The following PARVA variants were observed in gnomAD, a reference collection of about 807,000 sequenced individuals.
PARVA encodes alpha-parvin.
Under a neutral mutation model 52.6 loss-of-function variants are expected in PARVA, and 25 were observed. The ratio of observed to expected loss-of-function variants is 0.48; its 90% CI spans 0.35 to 0.66. The LOEUF is 0.66. PARVA is among the 30% of genes least tolerant of loss of function. The pLI is 0.01. For missense variants in PARVA, 373 were observed against 450.9 expected (o/e 0.83, Z 1.56); for synonymous variants, 185 against 179.1 (o/e 1.03, Z -0.26).
At position 12,442,185 on chromosome 11, in the gene PARVA, A is replaced by T. The variant is rs76677373; in HGVS notation, c.137-31560A>T. Among the ~76,000 whole-genome samples, 658 of 152,354 alleles carry T rather than the reference A, an allele frequency of 4.3e-3. 8 individuals carry two copies. Among genetic ancestry groups the T allele is most frequent in the African/African-American group, 0.015 (634 of 41,588 alleles). ...AGCGAGGCAGCAACTATGACTGAGGATAAGGAGTCCTGGACAGGGAGGACC... is the reference window on the plus strand; with the variant it reads ...AGCGAGGCAGCAACTATGACTGAGGTTAAGGAGTCCTGGACAGGGAGGACC... On this transcript the variant is annotated intron_variant, in intron 1 of 12. Coordinates refer to ENST00000334956, the MANE Select transcript of PARVA (RefSeq NM_018222.5).
intron 1 of PARVA, among the ~76,000 whole-genome samples, chr11:12,386,451 A>G (rs1939573399): frequency 6.6e-6 from 1 of 152,308 alleles, no homozygotes; most frequent in South Asian, 2.1e-4. Context: ...AGCCTTCCAC[A>G]GTGCCCACAG....
chr11:12,433,122 T>C (rs1224960362), intron 1 of PARVA, among the ~76,000 whole-genome samples: 1 of 152,244 alleles, frequency 6.6e-6, no homozygotes, highest in African/African-American at 2.4e-5. Context: ...GCTAAATTCC[T>C]TCTGCAGGTG....
rs1467656850 is a variant in PARVA, at chr11:12,533,209, C to T, written c.*5284C>T. Among the ~76,000 whole-genome samples the T allele has an allele frequency of 6.6e-6, 1 of 152,172 alleles. No individual in the cohort carries two copies. The highest frequency in any genetic ancestry group is 2.4e-5 in the African/African-American group (1 of 41,414). The stretch of plus-strand genomic sequence containing the variant: ...GAACTGGACAGAGTGGACGAGGCTG[C>T]ATGTGTGGAGGGAATGAAATAAGGG... On this transcript the variant is annotated 3_prime_UTR_variant, in exon 13 of 13. Transcript: ENST00000334956.
chr11:12,394,587 T>G (rs1939707248), intron 1 of PARVA, among the ~76,000 whole-genome samples: 1 of 152,042 alleles, frequency 6.6e-6, no homozygotes, highest in Non-Finnish European at 1.5e-5. Context: ...GAATCAAGAG[T>G]AGGCACAAGT....
At chr11:12,453,102 C>A (rs191131684) in intron 1 of PARVA, 2 of 450,406 alleles carry the variant, frequency 4.4e-6, no homozygotes, top group Non-Finnish European at 9.0e-6. Flanking sequence ...GGCGCCCTGG[C>A]CACCTCCCAG....
intron 1 of PARVA, among the ~76,000 whole-genome samples, chr11:12,463,329 C>T (rs183304618): frequency 2.1e-4 from 32 of 152,180 alleles, no homozygotes; most frequent in Admixed American, 1.8e-3. Flanking sequence ...GTTTTGTCTT[C>T]ATGTCTCCTT....
intron 1 of PARVA, among the ~76,000 whole-genome samples, chr11:12,384,999 T>G (rs1939551247): frequency 6.6e-6 from 1 of 152,110 alleles, no homozygotes; most frequent in Admixed American, 6.5e-5. Flanking sequence ...TGGTGTTAAG[T>G]GACTGAAGCA....
chr11:12,481,145 T>C (rs1941081143), intron 4 of PARVA, among the ~76,000 whole-genome samples: 1 of 152,226 alleles, frequency 6.6e-6, no homozygotes, highest in South Asian at 2.1e-4. Context: ...AACTTCTCCC[T>C]CTAGTTTTTG....
chr11:12,498,159 G>C (rs561001308), intron 5 of PARVA, among the ~76,000 whole-genome samples: 3 of 152,082 alleles, frequency 2.0e-5, no homozygotes, highest in Non-Finnish European at 4.4e-5. Flanking sequence ...TCAGCCTCCC[G>C]AGTAGCTGGG....
intron 4 of PARVA, among the ~76,000 whole-genome samples, chr11:12,491,052 A>G (rs1346952293): frequency 6.6e-6 from 1 of 152,244 alleles, no homozygotes; most frequent in African/African-American, 2.4e-5. Context: ...CGGAAAACCC[A>G]CTAAATAGAA....
At chr11:12,507,912 G>A (rs12290935) in intron 6 of PARVA, among the ~76,000 whole-genome samples, 59,091 of 151,396 alleles carry the variant, frequency 0.39, 12,164 homozygotes, top group Middle Eastern at 0.49. Flanking sequence ...TGTACATAGA[G>A]GGCACTGATT....
At chr11:12,451,734 A>T (rs1940626385) in intron 1 of PARVA, among the ~76,000 whole-genome samples, 1 of 152,346 alleles carries the variant, frequency 6.6e-6, no homozygotes. Flanking sequence ...CAAAGTCTGC[A>T]TCCTATAGAT....
chr11:12,496,352 A>ATGCATGCATGAGTGCG (rs1156305326), intron 4 of PARVA, 106 bp from the exon 5 acceptor site: 2 of 1,148,380 alleles, frequency 1.7e-6, no homozygotes, highest in African/African-American at 3.1e-5. Flanking sequence ...GCAAGAGTGC[A>ATGCATGCATGAGTGCG]TGCATGCATG....
chr11:12,433,869 C>T (rs975235470), intron 1 of PARVA, among the ~76,000 whole-genome samples: 1 of 152,168 alleles, frequency 6.6e-6, no homozygotes, highest in Non-Finnish European at 1.5e-5. Flanking sequence ...AAGTACCGTG[C>T]CTCCTTTACC....
chr11:12,494,263 G>T (rs1941270127), intron 4 of PARVA, among the ~76,000 whole-genome samples: 1 of 152,150 alleles, frequency 6.6e-6, no homozygotes, highest in African/African-American at 2.4e-5. Context: ...CATTAAGTAG[G>T]CATAACTGAT....
intron 1 of PARVA, 53 bp downstream of exon 1, chr11:12,377,836 G>T (rs1285236391): frequency 1.5e-6 from 2 of 1,372,826 alleles, no homozygotes; most frequent in Admixed American, 3.4e-5. Context: ...GGTGCCGTAG[G>T]GGCCGAGGGG....
At chr11:12,391,354 C>T (rs1414430691) in intron 1 of PARVA, among the ~76,000 whole-genome samples, 3 of 152,104 alleles carry the variant, frequency 2.0e-5, no homozygotes, top group Non-Finnish European at 4.4e-5. Flanking sequence ...TGGCAATTGT[C>T]GTTCAGTTTG....
At chr11:12,381,890 A>G (rs557847340) in intron 1 of PARVA, among the ~76,000 whole-genome samples, 3 of 152,218 alleles carry the variant, frequency 2.0e-5, no homozygotes, top group Non-Finnish European at 2.9e-5. Flanking sequence ...CTTTTCTCTG[A>G]TACTTGGGAG....
At chr11:12,453,688 G>A (rs1343900778) in intron 1 of PARVA, among the ~76,000 whole-genome samples, 2 of 152,174 alleles carry the variant, frequency 1.3e-5, no homozygotes, top group South Asian at 2.1e-4. Context: ...GTTAAACATG[G>A]TTTTGAAAAT....
Sources: gnomAD v4.1 joint callset for allele counts (sites outside exome capture counted in the v4.1 genomes callset) on GRCh38, gnomAD v4.1.1 for gene constraint, MANE v1.5 for transcripts, NCBI Gene and HGNC (gene_info 2026-07-23, HGNC 2026-07-21) for gene names.